WNK2: variants seen among roughly 807,000 people sequenced by gnomAD.
WNK2 encodes the protein WNK lysine deficient protein kinase 2, also known as serine/threonine-protein kinase WNK2.
In WNK2, 67 loss-of-function variants were observed where a neutral mutation model predicts 192.1. That is an observed-to-expected ratio of 0.35 (90% confidence interval 0.29 to 0.43). The LOEUF (loss-of-function observed/expected upper bound fraction) is 0.43. Ranked by LOEUF, WNK2 falls within the 20% of genes least tolerant of loss-of-function variation. The pLI is 1.00. For synonymous variants in WNK2, 1,439 were observed against 1,393.9 expected, an observed-to-expected ratio of 1.03 and a Z score of -0.72; for missense variants, 2,698 against 3,089.7, an observed-to-expected ratio of 0.87 and a Z score of 3.01.
At chr9:93,298,102 G>C in intron 24 of WNK2, 35 bp downstream of exon 24, 1 of 1,543,920 alleles carries the variant, frequency 6.5e-7, no homozygotes, top group South Asian at 1.2e-5. Flanking sequence ...GATGGGAGCG[G>C]GGCTGGGGAC....
intron 9 of WNK2, among the ~76,000 whole-genome samples, chr9:93,253,785 T>C (rs1341595286): frequency 6.6e-6 from 1 of 152,156 alleles, no homozygotes; most frequent in Admixed American, 6.5e-5. Context: ...TGGCACTTAT[T>C]TTTTTATTTT....
intron 11 of WNK2, 130 bp from the exon 12 acceptor site, chr9:93,258,801 G>C: frequency 1.3e-6 from 1 of 771,670 alleles, no homozygotes; most frequent in Non-Finnish European, 2.1e-6. Context: ...GTGTCTCGGA[G>C]GGAAAGGGTC....
At chr9:93,233,178 A>G (rs1480273383) in intron 4 of WNK2, among the ~76,000 whole-genome samples, 4 of 140,300 alleles carry the variant, frequency 2.9e-5, no homozygotes, top group African/African-American at 1.1e-4. Context: ...AGCCTGGGCG[A>G]CAGGGCACGA....
chr9:93,227,490 G>A (rs1326798664), intron 2 of WNK2, among the ~76,000 whole-genome samples: 3 of 151,980 alleles, frequency 2.0e-5, no homozygotes, highest in South Asian at 4.1e-4. Flanking sequence ...TTTTCCCAGC[G>A]ACTGATGATG....
At chr9:93,261,087 G>C (rs1172390390) in intron 12 of WNK2, among the ~76,000 whole-genome samples, 2 of 152,176 alleles carry the variant, frequency 1.3e-5, no homozygotes, top group Non-Finnish European at 2.9e-5. Context: ...TGTCTTGTCT[G>C]TCCGGGAGGG....
chr9:93,285,391 G>T (rs1848306229), intron 19 of WNK2, among the ~76,000 whole-genome samples: 1 of 152,130 alleles, frequency 6.6e-6, no homozygotes. Context: ...GAATTAATAA[G>T]TTAGCAAAGT....
rs193180811 is a variant in WNK2 at position 93,252,988 on chromosome 9, C to T, written c.1940C>T (p.Pro647Leu). Residue 647 changes from proline (P) to leucine (L), a missense_variant, in exon 9 of 30, where the codon CCG (proline) becomes CTG (leucine). Physicochemically the swap from Pro to Leu is moderately conservative, Grantham distance 98. This residue lies in a region of WNK2 where 893 missense variants were observed against 909.0 expected (regional missense o/e 0.98). Coordinates refer to ENST00000427277, the MANE Select transcript of WNK2 (RefSeq NM_006648.4). ...LGSLADAAPS[P>L]AQCVCSPPVS... ...TCCCTTGCCGACGCAGCGCCGTCCC[C>T]GGCCCAGTGTGTGTGCAGCCCCCCT... The T allele has an allele frequency of 7.3e-5, 114 of 1,566,264 alleles. No individual in the cohort carries two copies. Among genetic ancestry groups the T allele is most frequent in the Middle Eastern group, 3.3e-4 (2 of 6,002 alleles).
intron 2 of WNK2, among the ~76,000 whole-genome samples, chr9:93,209,657 A>G (rs1834127893): frequency 6.6e-6 from 1 of 152,180 alleles, no homozygotes. Flanking sequence ...GGTGGAAGGA[A>G]CAAGGCTGCA....
intron 2 of WNK2, among the ~76,000 whole-genome samples, chr9:93,218,262 C>T (rs1836132227): frequency 6.6e-6 from 1 of 152,186 alleles, no homozygotes; most frequent in South Asian, 2.1e-4. Flanking sequence ...CCCCACCCCA[C>T]AGGAGCTGTT....
At chr9:93,285,858 G>A (rs991492840) in intron 19 of WNK2, among the ~76,000 whole-genome samples, 1 of 152,188 alleles carries the variant, frequency 6.6e-6, no homozygotes, top group Admixed American at 6.5e-5. Context: ...ATGGAGTCAA[G>A]CCAGCTCAGA....
At chr9:93,208,716 T>G (rs369923615) in intron 2 of WNK2, among the ~76,000 whole-genome samples, 25 of 968 alleles carry the variant, frequency 0.026, no homozygotes, top group African/African-American at 0.068. Flanking sequence ...GTTCTGTGTA[T>G]GCTCTTCGTG....
intron 27 of WNK2, 26 bp from the exon 28 acceptor site, chr9:93,308,302 A>G (rs774297604): frequency 7.1e-6 from 11 of 1,548,084 alleles, no homozygotes; most frequent in East Asian, 2.4e-5. Flanking sequence ...GGCGTCACCA[A>G]TCCTGGCCTG....
At chr9:93,219,830 C>T (rs1836503847) in intron 2 of WNK2, among the ~76,000 whole-genome samples, 1 of 152,266 alleles carries the variant, frequency 6.6e-6, no homozygotes, top group South Asian at 2.1e-4. Context: ...CGCTTGGGCT[C>T]TGTCATTTCT....
chr9:93,232,388 G>A (rs1186039376), intron 4 of WNK2, among the ~76,000 whole-genome samples: 2 of 152,168 alleles, frequency 1.3e-5, no homozygotes, highest in Non-Finnish European at 2.9e-5. Flanking sequence ...ATAGGTGAGG[G>A]TCTCCACTCC....
chr9:93,238,141 C>A (rs1840132427), intron 5 of WNK2, 92 bp from the exon 6 acceptor site: 3 of 1,123,956 alleles, frequency 2.7e-6, no homozygotes, highest in Non-Finnish European at 4.0e-6. Context: ...CGTGTCCTGC[C>A]GTGGCTGGGA....
intron 27 of WNK2, 148 bp from the exon 28 acceptor site, chr9:93,308,180 T>TA: frequency 7.0e-7 from 1 of 1,423,946 alleles, no homozygotes; most frequent in Non-Finnish European, 9.2e-7. Flanking sequence ...CCAGGCCCCT[T>TA]AATCCGACCG....
chr9:93,263,603 AG>A lies in WNK2; in HGVS notation c.3449del (p.Ser1150MetfsTer43). 1 of 1,610,518 alleles carries A rather than the reference AG, an allele frequency of 6.2e-7. No individual in the cohort carries two copies. Among genetic ancestry groups the A allele is most frequent in the Non-Finnish European group, 8.5e-7 (1 of 1,179,076 alleles). On this transcript the variant is annotated frameshift_variant, in exon 15 of 30. Coordinates refer to ENST00000427277, the MANE Select transcript of WNK2 (RefSeq NM_006648.4). LOFTEE classifies it high-confidence loss of function. Reference protein sequence around the residue: ...GSDVTSGKELSDSCEGAFGGG... With the variant: ...GSDVTSGKELXDSCEGAFGGG... Reference sequence around the variant, plus strand: ...TGATGTCACTTCTGGAAAAGAGCTGAGTGACAGCTGTGAAGGCGCCTTTGGA... The same window carrying A: ...TGATGTCACTTCTGGAAAAGAGCTGATGACAGCTGTGAAGGCGCCTTTGGA...
chr9:93,314,643 A>G (rs1854289536), intron 28 of WNK2, among the ~76,000 whole-genome samples: 1 of 152,186 alleles, frequency 6.6e-6, no homozygotes, highest in African/African-American at 2.4e-5. Context: ...CTAAAGACCT[A>G]ATGGTCCTGG....
At chr9:93,295,854 A>C in intron 23 of WNK2, among the ~76,000 whole-genome samples, 4 of 117,506 alleles carry the variant, frequency 3.4e-5, no homozygotes, top group Non-Finnish European at 7.0e-5. Context: ...TCCTCTCTCC[A>C]TCCTCCCCTC....
Sources: allele counts gnomAD v4.1 joint callset (sites outside exome capture counted in the v4.1 genomes callset), GRCh38; gene constraint gnomAD v4.1.1; regional missense constraint gnomAD v4.1.1; transcripts MANE v1.5; gene names NCBI Gene and HGNC (gene_info 2026-07-23, HGNC 2026-07-21).